Variants in RARS1 observed in about 807,000 individuals in gnomAD.
RARS1 encodes the protein arginine--tRNA ligase, cytoplasmic.
In RARS1, 75 loss-of-function variants were observed where a neutral mutation model predicts 78.7. The ratio of observed to expected loss-of-function variants is 0.95; its 90% CI spans 0.79 to 1.15. The LOEUF is 1.15. Among genes scored for constraint, RARS1 ranks in the 50% most tolerant of loss-of-function variants. The pLI is 0.00. For synonymous variants in RARS1, 273 were observed against 268.2 expected, an observed-to-expected ratio of 1.02 and a Z score of -0.18; for missense variants, 787 against 787.5, an observed-to-expected ratio of 1.00 and a Z score of 0.01.
intron 2 of RARS1, among the ~76,000 whole-genome samples, chr5:168,491,760 A>G (rs1331791524): frequency 3.9e-5 from 6 of 152,226 alleles, no homozygotes; most frequent in African/African-American, 7.2e-5. Flanking sequence ...ATTTGGTTCA[A>G]ATCTTTGCAT....
At chr5:168,508,814 C>T (rs928828775) in intron 11 of RARS1, among the ~76,000 whole-genome samples, 4 of 151,942 alleles carry the variant, frequency 2.6e-5, no homozygotes, top group Admixed American at 1.3e-4. Context: ...ATGTGCTGTG[C>T]ATGGTGTTGG....
chr5:168,504,313 C>G (rs1443729055), intron 9 of RARS1, among the ~76,000 whole-genome samples: 1 of 151,922 alleles, frequency 6.6e-6, no homozygotes, highest in Non-Finnish European at 1.5e-5. Flanking sequence ...ATCACGAGGA[C>G]AGGAGATCGA....
intron 1 of RARS1, among the ~76,000 whole-genome samples, chr5:168,486,926 C>G (rs552606149): frequency 6.6e-6 from 1 of 152,286 alleles, no homozygotes; most frequent in East Asian, 1.9e-4. Flanking sequence ...AGCTCTGGGT[C>G]TTGGTTTGCA....
At chr5:168,490,788 G>A (rs139159976) in intron 2 of RARS1, among the ~76,000 whole-genome samples, 309 of 152,240 alleles carry the variant, frequency 2.0e-3, no homozygotes, top group Middle Eastern at 3.4e-3. Context: ...TAGATTTCGT[G>A]TGTGTAGGTA....
intron 1 of RARS1, among the ~76,000 whole-genome samples, chr5:168,487,831 A>G (rs895954893): frequency 6.6e-6 from 1 of 152,208 alleles, no homozygotes; most frequent in Non-Finnish European, 1.5e-5. Context: ...AGGACCTAAG[A>G]CACTGGAAAC....
chr5:168,510,455 A>AT (rs1262108624), intron 11 of RARS1, 126 bp from the exon 12 acceptor site: 1 of 708,714 alleles, frequency 1.4e-6, no homozygotes, highest in Non-Finnish European at 2.4e-6. Context: ...CAGGGGCAAT[A>AT]TGTACCTTAG....
At chr5:168,502,149 CAT>C (rs1416027606) in intron 9 of RARS1, 44 bp downstream of exon 9, 6 of 1,568,668 alleles carry the variant, frequency 3.8e-6, no homozygotes, top group African/African-American at 1.4e-5. Flanking sequence ...AATTTTCAAA[CAT>C]AGGCAAAAGT....
chr5:168,493,947 T>C lies in RARS1; in HGVS notation c.423T>C (p.Ile141=). ...ATCCAAGAGAAATTGCTGAAAACAT[T>C]ACCAAACACCTCCCAGACAATGAAT... The part of the protein sequence containing the change: ...KVNPREIAEN[I]TKHLPDNECI... The change falls in exon 4 of 15, where the codon ATT becomes ATC. Residue 141 remains isoleucine, a synonymous_variant. Coordinates refer to ENST00000231572, the MANE Select transcript of RARS1 (RefSeq NM_002887.4). 1 of 1,613,724 alleles carries C rather than the reference T, an allele frequency of 6.2e-7. No homozygotes were observed. Among genetic ancestry groups the C allele is most frequent in the South Asian group, 1.1e-5 (1 of 91,074 alleles).
Position 168,497,316 on chromosome 5 carries a change from C to T in RARS1, c.790C>T (p.Pro264Ser), listed in dbSNP as rs775427968. The T allele has an allele frequency of 1.9e-6, 3 of 1,589,078 alleles. No individual in the cohort carries two copies. The highest frequency in any genetic ancestry group is 2.6e-6 in the Non-Finnish European group (3 of 1,166,480). Residue 264 changes from proline (P) to serine (S), a missense_variant, in exon 7 of 15, where the codon CCT becomes TCT. Physicochemically the swap from Pro to Ser is moderately conservative, Grantham distance 74. Coordinates refer to ENST00000231572, the MANE Select transcript of RARS1 (RefSeq NM_002887.4). ...ATTTCCAGATTATCTAACAGTTTCA[C>T]CTCCTATTGGGGATCTTCAGGTCTT... is the stretch of plus-strand genomic sequence containing the variant. ...DKFPDYLTVS[P>S]PIGDLQVFYK...
intron 5 of RARS1, 162 bp downstream of exon 5, chr5:168,494,812 A>G: frequency 1.8e-6 from 1 of 562,974 alleles, no homozygotes; most frequent in Non-Finnish European, 3.1e-6. Context: ...GCACCTGTGA[A>G]TAGCTACTGC....
At chr5:168,488,477 G>A in intron 1 of RARS1, 125 bp from the exon 2 acceptor site, 2 of 1,118,678 alleles carry the variant, frequency 1.8e-6, no homozygotes, top group Admixed American at 5.0e-5. Flanking sequence ...AAATCTCAGA[G>A]GAGAAAGAAA....
At position 168,486,615 on chromosome 5, in the gene RARS1, T is replaced by A. The variant is rs146211291; in HGVS notation, c.45+72T>A. On this transcript the variant is annotated intron_variant, in intron 1 of 14. Transcript: ENST00000231572. ...GGCTCTGACTCCTGCCCAAGCGGCT[T>A]CGGGGGCGGGACAGCTAGGCGAGGA... 2.9e-3 allele frequency: 4,301 copies of A among 1,505,580 alleles called. 11 individuals carry two copies. Among genetic ancestry groups the A allele is most frequent in the Non-Finnish European group, 3.5e-3 (3,929 of 1,110,486 alleles). The allele number at this position is 1,505,580 out of a possible 1,614,324, so 93.3% of individuals were successfully genotyped here.
At chr5:168,505,441 A>C (rs1758419083) in intron 9 of RARS1, among the ~76,000 whole-genome samples, 1 of 152,218 alleles carries the variant, frequency 6.6e-6, no homozygotes, top group Admixed American at 6.5e-5. Flanking sequence ...ACCTTGAAAC[A>C]GTGTCAACTA....
In RARS1 at chr5:168,510,702, A is replaced by G. The variant is rs1303545996; in HGVS notation, c.1452+16A>G. The G allele has an allele frequency of 6.5e-7, 1 of 1,539,668 alleles. No homozygotes were observed. The highest frequency in any genetic ancestry group is 8.9e-7 in the Non-Finnish European group (1 of 1,127,660). On this transcript the variant is annotated intron_variant, in intron 12 of 14. Coordinates refer to ENST00000231572, the MANE Select transcript of RARS1 (RefSeq NM_002887.4). ...AAGAGACAAGGTAATTCAAAGCCTT[A>G]TAGGCATAATGTGTATCAAGCATTG...
chr5:168,492,874 G>A, intron 3 of RARS1, 27 bp downstream of exon 3: 1 of 1,513,690 alleles, frequency 6.6e-7, no homozygotes, highest in Non-Finnish European at 9.1e-7. Context: ...ACTCTTGGCT[G>A]TTTGATTTTT....
rs550021425 is a variant in RARS1, at chr5:168,490,256, T to C, written c.180+1520T>C. 3.3e-5 allele frequency among the ~76,000 whole-genome samples: 5 copies of C among 152,356 alleles called. No individual in the cohort carries two copies. In the East Asian group the frequency reaches 5.8e-4, roughly 18 times the overall value. ...CAAAAGAATCTCACCTTTCTCGTTA[T>C]GTCATTCATTCTACACTTATATATG... On this transcript the variant is annotated intron_variant, in intron 2 of 14. Transcript: ENST00000231572.
intron 13 of RARS1, 143 bp from the exon 14 acceptor site, chr5:168,517,672 T>G: frequency 8.8e-7 from 1 of 1,138,582 alleles, no homozygotes; most frequent in Non-Finnish European, 1.2e-6. Flanking sequence ...GCTATTAGTT[T>G]TGCCTAATAG....
At chr5:168,515,293 G>A (rs1469661014) in intron 12 of RARS1, among the ~76,000 whole-genome samples, 5 of 151,938 alleles carry the variant, frequency 3.3e-5, no homozygotes, top group Admixed American at 2.6e-4. Flanking sequence ...CCCCTCCTTA[G>A]TATTTAGTTA....
intron 6 of RARS1, among the ~76,000 whole-genome samples, chr5:168,495,892 T>C (rs975697903): frequency 2.0e-5 from 3 of 152,166 alleles, no homozygotes; most frequent in African/African-American, 7.2e-5. Flanking sequence ...CTCACACCTA[T>C]AATTCCAGCA....
Sources: gnomAD v4.1 joint callset for allele counts (sites outside exome capture counted in the v4.1 genomes callset) on GRCh38, gnomAD v4.1.1 for gene constraint, MANE v1.5 for transcripts, NCBI Gene and HGNC (gene_info 2026-07-23, HGNC 2026-07-21) for gene names.